Variants in GRM5 observed in about 807,000 individuals in gnomAD.
GRM5 encodes the protein glutamate metabotropic receptor 5.
GRM5 carries 19 observed loss-of-function variants against 83.1 expected under a neutral mutation model. That is an observed-to-expected ratio of 0.23 (90% CI 0.16 to 0.34). The LOEUF (loss-of-function observed/expected upper bound fraction) is 0.34, where lower values mean the gene tolerates loss of function less well. GRM5 is among the 10% of genes least tolerant of loss of function. The probability of loss-of-function intolerance (pLI) is 1.00; values close to 1 mark genes in which losing one functional copy is unlikely to be tolerated. For missense variants in GRM5, 1,160 were observed against 1,588.3 expected (o/e 0.73, Z 4.58); for synonymous variants, 675 against 633.6 (o/e 1.07, Z -0.98).
At chr11:89,007,765 A>G (rs1940572404) in intron 2 of GRM5, among the ~76,000 whole-genome samples, 1 of 152,210 alleles carries the variant, frequency 6.6e-6, no homozygotes, top group African/African-American at 2.4e-5. Flanking sequence ...CAGGGAGGGC[A>G]GTTAGAAGAC....
chr11:89,038,483 T>C (rs1941448203), intron 2 of GRM5, among the ~76,000 whole-genome samples: 1 of 152,142 alleles, frequency 6.6e-6, no homozygotes, highest in East Asian at 1.9e-4. Context: ...AAGGACAGAG[T>C]GTGGAGCCTG....
At chr11:88,905,453 C>T (rs1162309683) in intron 2 of GRM5, among the ~76,000 whole-genome samples, 3 of 152,090 alleles carry the variant, frequency 2.0e-5, no homozygotes, top group Non-Finnish European at 2.9e-5. Context: ...AAGTGATTCT[C>T]GTGTCAGCCT....
intron 3 of GRM5, among the ~76,000 whole-genome samples, chr11:88,747,761 A>G (rs545864253): frequency 1.3e-5 from 2 of 152,156 alleles, no homozygotes; most frequent in South Asian, 2.1e-4. Flanking sequence ...GACTAAAAAC[A>G]TATAGAAATA....
At chr11:88,960,684 T>C (rs1449878265) in intron 2 of GRM5, among the ~76,000 whole-genome samples, 27 of 152,118 alleles carry the variant, frequency 1.8e-4, no homozygotes, top group Admixed American at 1.8e-3. Context: ...GAGATGAACA[T>C]GTTTGAGCTG....
intron 2 of GRM5, among the ~76,000 whole-genome samples, chr11:88,984,113 T>C (rs1939612888): frequency 1.3e-5 from 2 of 152,124 alleles, no homozygotes; most frequent in African/African-American, 2.4e-5. Flanking sequence ...GGTGTCTTAA[T>C]AAATTTAGTA....
intron 4 of GRM5, among the ~76,000 whole-genome samples, chr11:88,642,469 A>C (rs1939321334): frequency 6.6e-6 from 1 of 152,160 alleles, no homozygotes; most frequent in South Asian, 2.1e-4. Context: ...TGGTTGCTCC[A>C]CAGCCTGCTT....
intron 3 of GRM5, among the ~76,000 whole-genome samples, chr11:88,712,446 G>C (rs1941303516): frequency 6.6e-6 from 1 of 151,958 alleles, no homozygotes; most frequent in Non-Finnish European, 1.5e-5. Flanking sequence ...GGTCTCATTG[G>C]AGTTTTATTT....
chr11:88,810,528 G>A (rs554650241), intron 3 of GRM5, among the ~76,000 whole-genome samples: 1 of 152,132 alleles, frequency 6.6e-6, no homozygotes, highest in African/African-American at 2.4e-5. Flanking sequence ...AAATTAGGAA[G>A]AGAGTAGATA....
chr11:88,787,794 T>G (rs1399229434), intron 3 of GRM5, among the ~76,000 whole-genome samples: 5 of 152,116 alleles, frequency 3.3e-5, no homozygotes, highest in Admixed American at 3.3e-4. Context: ...ATAATATCAT[T>G]TATTGAGATA....
chr11:88,730,483 A>G (rs1157365974), intron 3 of GRM5, among the ~76,000 whole-genome samples: 1 of 152,206 alleles, frequency 6.6e-6, no homozygotes, highest in Non-Finnish European at 1.5e-5. Flanking sequence ...ATCTAGTGCC[A>G]GAAATACCAT....
intron 3 of GRM5, among the ~76,000 whole-genome samples, chr11:88,747,918 G>T (rs1364340979): frequency 6.6e-6 from 1 of 152,144 alleles, no homozygotes; most frequent in Non-Finnish European, 1.5e-5. Flanking sequence ...AAGGGTGAGT[G>T]AATTCAGCAC....
intron 7 of GRM5, 34 bp from the exon 8 acceptor site, chr11:88,568,026 G>T: frequency 7.1e-7 from 1 of 1,410,576 alleles, no homozygotes; most frequent in Non-Finnish European, 9.9e-7. Flanking sequence ...GTAAAGGAGG[G>T]AGAGATGTTG....
chr11:88,901,606 A>G (rs1477557025), intron 2 of GRM5, among the ~76,000 whole-genome samples: 9 of 152,248 alleles, frequency 5.9e-5, no homozygotes, highest in Non-Finnish European at 1.3e-4. Flanking sequence ...TTTGTGCATT[A>G]TGGTGAATGA....
intron 3 of GRM5, among the ~76,000 whole-genome samples, chr11:88,674,370 A>T (rs1291036102): frequency 6.6e-6 from 1 of 151,858 alleles, no homozygotes; most frequent in Non-Finnish European, 1.5e-5. Context: ...TTTGGATTTT[A>T]TCCTATGACT....
At chr11:89,010,627 A>G (rs1313372623) in intron 2 of GRM5, among the ~76,000 whole-genome samples, 1 of 151,820 alleles carries the variant, frequency 6.6e-6, no homozygotes. Flanking sequence ...ATTATAGACA[A>G]CATGTTATTC....
At chr11:88,673,798 C>A (rs1940251140) in intron 3 of GRM5, among the ~76,000 whole-genome samples, 1 of 151,098 alleles carries the variant, frequency 6.6e-6, no homozygotes, top group African/African-American at 2.4e-5. Context: ...AAACATGAAC[C>A]CAGGCTACAA....
intron 3 of GRM5, among the ~76,000 whole-genome samples, chr11:88,688,810 G>A (rs1940709726): frequency 6.6e-6 from 1 of 152,020 alleles, no homozygotes; most frequent in Admixed American, 6.6e-5. Flanking sequence ...TTGGATCAGA[G>A]AGACCTGGGT....
intron 2 of GRM5, among the ~76,000 whole-genome samples, chr11:88,856,443 C>A (rs1330701396): frequency 3.9e-5 from 6 of 152,084 alleles, no homozygotes; most frequent in Non-Finnish European, 1.5e-5. Flanking sequence ...CCTTTAGGGG[C>A]AATAACATGC....
At chr11:88,573,840 A>G (rs1182165063) in intron 7 of GRM5, among the ~76,000 whole-genome samples, 1 of 152,152 alleles carries the variant, frequency 6.6e-6, no homozygotes, top group Non-Finnish European at 1.5e-5. Flanking sequence ...TTTGGATCTC[A>G]TGGATGTTGA....
Sources: gnomAD v4.1 joint callset for allele counts (sites outside exome capture counted in the v4.1 genomes callset) on GRCh38, gnomAD v4.1.1 for gene constraint, MANE v1.5 for transcripts, NCBI Gene and HGNC (gene_info 2026-07-23, HGNC 2026-07-21) for gene names.